The following MTIF3 variants were observed in gnomAD, a reference collection of about 807,000 sequenced individuals.
The protein encoded by MTIF3 is mitochondrial translational initiation factor 3.
Under a neutral mutation model 20.7 loss-of-function variants are expected in MTIF3, and 13 were observed. The ratio of observed to expected loss-of-function variants is 0.63; its 90% CI spans 0.41 to 1.00. The LOEUF (loss-of-function observed/expected upper bound fraction) is 1.00, where lower values mean the gene tolerates loss of function less well. Ranked by LOEUF, MTIF3 falls within the 50% of genes least tolerant of loss-of-function variation. MTIF3 has a pLI of 0.00. For missense variants in MTIF3, 295 were observed against 324.5 expected, an observed-to-expected ratio of 0.91 and a Z score of 0.70; for synonymous variants, 114 against 112.5, an observed-to-expected ratio of 1.01 and a Z score of -0.08.
chr13:27,444,757 T>A (rs1415083019), intron 2 of MTIF3, among the ~76,000 whole-genome samples: 2 of 152,202 alleles, frequency 1.3e-5, no homozygotes, highest in Non-Finnish European at 2.9e-5. Flanking sequence ...CTCTAAGAGG[T>A]ACTCCTTAAT....
At position 27,444,903 on chromosome 13, in the gene MTIF3, A is replaced by G. The variant is rs186417485; in HGVS notation, c.-2+185T>C. Among the ~76,000 whole-genome samples the G allele has an allele frequency of 2.9e-4, 44 of 152,122 alleles. 1 individual carries two copies. The highest frequency in any genetic ancestry group is 2.4e-3 in the Admixed American group (37 of 15,282). ...ATTTACAGTTTGGCAGCATGAAGAG[A>G]CTCCCACTGGTCAATTTTGGTGTAA... is the stretch of plus-strand genomic sequence containing the variant. On this transcript the variant is annotated intron_variant, in intron 2 of 4. Coordinates refer to ENST00000381120, the MANE Select transcript of MTIF3 (RefSeq NM_152912.5).
chr13:27,448,456 G>T (rs981706543), intron 1 of MTIF3, among the ~76,000 whole-genome samples: 1 of 152,090 alleles, frequency 6.6e-6, no homozygotes, highest in African/African-American at 2.4e-5. Flanking sequence ...GCCCCATTCT[G>T]GCCTGAGCAG....
chr13:27,443,437 CTT>C (rs1323827626), intron 2 of MTIF3, among the ~76,000 whole-genome samples: 1 of 152,170 alleles, frequency 6.6e-6, no homozygotes, highest in Non-Finnish European at 1.5e-5. Flanking sequence ...CTAGGGGACT[CTT>C]AAGTTCCTGC....
intron 3 of MTIF3, among the ~76,000 whole-genome samples, chr13:27,438,830 A>AC (rs1291346156): frequency 6.6e-6 from 1 of 151,446 alleles, no homozygotes; most frequent in African/African-American, 2.4e-5. Flanking sequence ...GTTTGACGTC[A>AC]TTATCCTCCC....
chr13:27,436,028 T>A, intron 4 of MTIF3, 135 bp from the exon 5 acceptor site: 2 of 652,500 alleles, frequency 3.1e-6, no homozygotes, highest in South Asian at 1.9e-5. Flanking sequence ...AATCAGTTCA[T>A]ACGTATCTGG....
At position 27,440,005 on chromosome 13, in the gene MTIF3, C is replaced by T; in HGVS notation, c.444G>A (p.Lys148=). The T allele has an allele frequency of 6.2e-7, 1 of 1,613,610 alleles. No individual in the cohort carries two copies. The highest frequency in any genetic ancestry group is 2.2e-5 in the East Asian group (1 of 44,862). The change falls in exon 3 of 5, where the codon AAG becomes AAA. Residue 148 remains lysine, a synonymous_variant. Transcript: ENST00000381120. The stretch of plus-strand genomic sequence containing the variant: ...AATACCTACCAGTTTTGGGGTTCGC[C>T]TTCTCCATCTCCCTCAGCCTCTGCC... ...QERQRLREME[K]ANPKTGPTLR...
chr13:27,442,104 T>C (rs1317167747), intron 2 of MTIF3, among the ~76,000 whole-genome samples: 1 of 152,212 alleles, frequency 6.6e-6, no homozygotes, highest in Non-Finnish European at 1.5e-5. Flanking sequence ...AGATATGTAA[T>C]AGTCATTGAG....
At chr13:27,444,029 T>C (rs754300584) in intron 2 of MTIF3, among the ~76,000 whole-genome samples, 14 of 152,018 alleles carry the variant, frequency 9.2e-5, no homozygotes, top group East Asian at 1.9e-4. Context: ...TAGGGCCGGG[T>C]GCAGTGGCTC....
chr13:27,448,541 C>G (rs1436148538), intron 1 of MTIF3, among the ~76,000 whole-genome samples: 2 of 152,134 alleles, frequency 1.3e-5, no homozygotes, highest in African/African-American at 2.4e-5. Context: ...TCTGGTTTTG[C>G]TCTTCCATAG....
chr13:27,441,895 T>C (rs2138125099), intron 2 of MTIF3, among the ~76,000 whole-genome samples: 1 of 152,316 alleles, frequency 6.6e-6, no homozygotes, highest in Non-Finnish European at 1.5e-5. Flanking sequence ...ACAACCCACT[T>C]ATCTCTCACC....
chr13:27,447,260 C>T (rs1019605476), intron 1 of MTIF3, among the ~76,000 whole-genome samples: 1 of 146,860 alleles, frequency 6.8e-6, no homozygotes, highest in South Asian at 2.2e-4. Flanking sequence ...TAAGTGGGGT[C>T]AAGGGTAGTT....
At chr13:27,439,922 T>C in intron 3 of MTIF3, 67 bp downstream of exon 3, 1 of 1,402,928 alleles carries the variant, frequency 7.1e-7, no homozygotes, top group Non-Finnish European at 9.8e-7. Context: ...CCTTGACAAA[T>C]GCTAGAATTT....
At chr13:27,439,320 A>AC (rs34423631) in intron 3 of MTIF3, among the ~76,000 whole-genome samples, 1 of 151,970 alleles carries the variant, frequency 6.6e-6, no homozygotes, top group Non-Finnish European at 1.5e-5. Context: ...ACATGGTGAA[A>AC]CCCCCTCTCT....
chr13:27,440,559 G>A, intron 2 of MTIF3, 110 bp from the exon 3 acceptor site: 2 of 800,382 alleles, frequency 2.5e-6, no homozygotes, highest in East Asian at 2.7e-5. Context: ...GTAACTGCAA[G>A]TGTGAGGGAA....
chr13:27,447,198 CAAAAAA>C (rs533396868), intron 1 of MTIF3, among the ~76,000 whole-genome samples: 2 of 84,188 alleles, frequency 2.4e-5, no homozygotes, highest in South Asian at 5.2e-4. Context: ...TGGGTTAGGC[CAAAAAA>C]AAAAAAAAAA....
chr13:27,443,362 A>AT (rs957072990), intron 2 of MTIF3, among the ~76,000 whole-genome samples: 4 of 151,588 alleles, frequency 2.6e-5, no homozygotes, highest in Admixed American at 6.6e-5. Flanking sequence ...ATCACAGAAG[A>AT]TTTTTTTTTC....
At chr13:27,438,404 T>TG (rs1459427940) in intron 3 of MTIF3, among the ~76,000 whole-genome samples, 14 of 148,020 alleles carry the variant, frequency 9.5e-5, no homozygotes, top group African/African-American at 3.2e-4. Context: ...GTGGGAGGAT[T>TG]GCTGGATCCC....
chr13:27,440,719 T>C (rs1330562062), intron 2 of MTIF3, among the ~76,000 whole-genome samples: 2 of 105,010 alleles, frequency 1.9e-5, no homozygotes, highest in Non-Finnish European at 4.8e-5. Context: ...AGCATTTTGG[T>C]TTCACTTTTT....
At position 27,437,175 on chromosome 13, in the gene MTIF3, G is replaced by GT. The variant is rs1566080779; in HGVS notation, c.558dup (p.His187ThrfsTer19). The GT allele has an allele frequency of 1.9e-6, 3 of 1,613,972 alleles. No individual in the cohort carries two copies. The highest frequency in any genetic ancestry group is 1.7e-6 in the Non-Finnish European group (2 of 1,179,950). On this transcript the variant is annotated frameshift_variant, in exon 4 of 5. Coordinates refer to ENST00000381120, the MANE Select transcript of MTIF3 (RefSeq NM_152912.5). LOFTEE classifies it high-confidence loss of function. ...TTCTTTATGGTAATCTGGACTAGGTGTTTTTTCTTAATCCACTGCTGAATC... is the reference window on the plus strand; with the variant it reads ...TTCTTTATGGTAATCTGGACTAGGTGTTTTTTTCTTAATCCACTGCTGAATC...
Sources: allele counts gnomAD v4.1 joint callset (sites outside exome capture counted in the v4.1 genomes callset), GRCh38; gene constraint gnomAD v4.1.1; transcripts MANE v1.5; gene names NCBI Gene and HGNC (gene_info 2026-07-23, HGNC 2026-07-21).